Variants in LRFN5 observed in about 807,000 individuals in gnomAD.
The protein encoded by LRFN5 is leucine-rich repeat and fibronectin type-III domain-containing protein 5.
A neutral mutation model predicts 45.6 loss-of-function variants in LRFN5; 24 were observed. The ratio of observed to expected loss-of-function variants is 0.53; its 90% CI spans 0.38 to 0.74. LRFN5 has a LOEUF of 0.74. Ranked by LOEUF, LRFN5 falls within the 30% of genes least tolerant of loss-of-function variation. The pLI is 0.00. For synonymous variants in LRFN5, 340 were observed against 313.8 expected (o/e 1.08, Z -0.88); for missense variants, 776 against 861.5 (o/e 0.90, Z 1.24).
At chr14:41,725,032 A>T (rs1393500939) in intron 1 of LRFN5, among the ~76,000 whole-genome samples, 1 of 152,128 alleles carries the variant, frequency 6.6e-6, no homozygotes, top group Non-Finnish European at 1.5e-5. Flanking sequence ...AACCACTAGG[A>T]TATTTTGCCT....
intron 4 of LRFN5, 86 bp downstream of exon 4, chr14:41,892,048 T>C: frequency 1.3e-6 from 2 of 1,521,854 alleles, no homozygotes; most frequent in South Asian, 2.6e-5. Context: ...ACTATTGTTA[T>C]ATTAACTCGC....
At chr14:41,826,599 T>C (rs1846971613) in intron 2 of LRFN5, among the ~76,000 whole-genome samples, 1 of 152,062 alleles carries the variant, frequency 6.6e-6, no homozygotes, top group South Asian at 2.1e-4. Flanking sequence ...AACTAAGAAA[T>C]GTTTCGATGT....
At chr14:41,892,536 T>A in intron 4 of LRFN5, 1 of 974,704 alleles carries the variant, frequency 1.0e-6, no homozygotes, top group African/African-American at 1.8e-5. Context: ...ATAATTGATA[T>A]TTTTAATAAG....
At chr14:41,800,291 A>C (rs1887282606) in intron 2 of LRFN5, among the ~76,000 whole-genome samples, 1 of 150,766 alleles carries the variant, frequency 6.6e-6, no homozygotes, top group Admixed American at 6.6e-5. Flanking sequence ...ATGAAACCAA[A>C]AGAAATTATT....
At chr14:41,661,595 T>G (rs934034812) in intron 1 of LRFN5, among the ~76,000 whole-genome samples, 8 of 152,214 alleles carry the variant, frequency 5.3e-5, no homozygotes, top group Non-Finnish European at 8.8e-5. Flanking sequence ...CTAATACTCA[T>G]AGTCCTTATG....
intron 1 of LRFN5, among the ~76,000 whole-genome samples, chr14:41,681,401 C>G (rs974861374): frequency 7.2e-5 from 11 of 152,114 alleles, no homozygotes; most frequent in Non-Finnish European, 5.9e-5. Flanking sequence ...TAAAATGTAG[C>G]TCCACTACCT....
At chr14:41,698,178 A>G (rs567113331) in intron 1 of LRFN5, among the ~76,000 whole-genome samples, 103 of 152,144 alleles carry the variant, frequency 6.8e-4, no homozygotes, top group African/African-American at 2.4e-3. Flanking sequence ...GAAGGAATCA[A>G]AGATTACAGG....
intron 5 of LRFN5, among the ~76,000 whole-genome samples, chr14:41,900,580 G>T (rs1891072896): frequency 6.6e-6 from 1 of 152,030 alleles, no homozygotes. Flanking sequence ...AAGCTACCTT[G>T]TTCCTCTTTC....
At chr14:41,668,359 T>C (rs1350445040) in intron 1 of LRFN5, among the ~76,000 whole-genome samples, 1 of 152,168 alleles carries the variant, frequency 6.6e-6, no homozygotes, top group East Asian at 1.9e-4. Context: ...ATATATTCAA[T>C]TTCAGGAACT....
chr14:41,750,898 G>T (rs1236858842), intron 1 of LRFN5, among the ~76,000 whole-genome samples: 1 of 152,010 alleles, frequency 6.6e-6, no homozygotes, highest in Non-Finnish European at 1.5e-5. Flanking sequence ...AGGTATACAC[G>T]TGCCATGTTG....
At chr14:41,850,993 G>T (rs933732498) in intron 2 of LRFN5, among the ~76,000 whole-genome samples, 1 of 151,830 alleles carries the variant, frequency 6.6e-6, no homozygotes, top group Non-Finnish European at 1.5e-5. Context: ...TGCCCAAAGG[G>T]TTAGTAATAA....
chr14:41,800,370 T>C (rs184216062), intron 2 of LRFN5, among the ~76,000 whole-genome samples: 23 of 152,142 alleles, frequency 1.5e-4, no homozygotes, highest in Admixed American at 1.3e-3. Context: ...TTCTGGACTC[T>C]ACTTCCTCAA....
intron 1 of LRFN5, among the ~76,000 whole-genome samples, chr14:41,730,177 C>A (rs1884108289): frequency 6.6e-6 from 1 of 151,868 alleles, no homozygotes; most frequent in African/African-American, 2.4e-5. Context: ...GCAAATAAAA[C>A]CATAGACAAA....
chr14:41,877,947 T>G (rs1273621399), intron 2 of LRFN5, among the ~76,000 whole-genome samples: 1 of 152,092 alleles, frequency 6.6e-6, no homozygotes. Context: ...CTTAGCCATA[T>G]TACTAGTGAC....
At chr14:41,741,341 G>A (rs938744322) in intron 1 of LRFN5, among the ~76,000 whole-genome samples, 2 of 151,664 alleles carry the variant, frequency 1.3e-5, no homozygotes, top group Non-Finnish European at 1.5e-5. Flanking sequence ...CATGATACTG[G>A]CATGAAAGAA....
intron 1 of LRFN5, among the ~76,000 whole-genome samples, chr14:41,728,871 G>A (rs1884049351): frequency 6.6e-6 from 1 of 152,082 alleles, no homozygotes; most frequent in Non-Finnish European, 1.5e-5. Flanking sequence ...GATCAAGCAT[G>A]TTGTTTTTTG....
At chr14:41,800,695 A>G (rs1887296722) in intron 2 of LRFN5, among the ~76,000 whole-genome samples, 1 of 151,802 alleles carries the variant, frequency 6.6e-6, no homozygotes, top group African/African-American at 2.4e-5. Flanking sequence ...TGCAGCATAC[A>G]CGGCAAATCA....
chr14:41,752,296 G>A (rs1435184562), intron 1 of LRFN5, among the ~76,000 whole-genome samples: 4 of 152,048 alleles, frequency 2.6e-5, no homozygotes, highest in Admixed American at 6.6e-5. Flanking sequence ...AGGATGGCTG[G>A]GTCAAATGGT....
At chr14:41,718,340 G>A (rs1473884813) in intron 1 of LRFN5, among the ~76,000 whole-genome samples, 4 of 152,082 alleles carry the variant, frequency 2.6e-5, no homozygotes, top group African/African-American at 9.7e-5. Context: ...ACCAGTACAA[G>A]TGATAACTGA....
Sources: gnomAD v4.1 joint callset for allele counts (sites outside exome capture counted in the v4.1 genomes callset) on GRCh38, gnomAD v4.1.1 for gene constraint, MANE v1.5 for transcripts, NCBI Gene and HGNC (gene_info 2026-07-23, HGNC 2026-07-21) for gene names.